Variants in GLI1 observed in about 807,000 individuals in gnomAD.
GLI1 encodes transcription activator GLI1.
GLI1 carries 51 observed loss-of-function variants against 87.8 expected under a neutral mutation model. That is an observed-to-expected ratio of 0.58 (90% CI 0.46 to 0.73). GLI1 has a LOEUF of 0.73. GLI1 is among the 30% of genes least tolerant of loss of function. GLI1 has a pLI of 0.00. For synonymous variants in GLI1, 528 were observed against 558.2 expected (o/e 0.95, Z 0.76); for missense variants, 1,292 against 1,437.2 (o/e 0.90, Z 1.63).
Position 57,467,476 on chromosome 12 carries a change from G to C in GLI1, c.1056G>C (p.Gln352His). The change falls in exon 9 of 12, where the codon CAG (glutamine) becomes CAC (histidine). Residue 352 changes from glutamine (Q) to histidine (H), a missense_variant. By Grantham distance (24) the Gln-to-His change is conservative. Coordinates refer to ENST00000228682, the MANE Select transcript of GLI1 (RefSeq NM_005269.3). ...ATGCCAGTGACCGAGCCAAGCACCA[G>C]AATCGGACCCATTCCAATGAGGTGA... ...FSNASDRAKH[Q>H]NRTHSNEKPY... 2 of 1,606,766 alleles carry C rather than the reference G, an allele frequency of 1.2e-6. No individual in the cohort carries two copies. The highest frequency in any genetic ancestry group is 1.7e-6 in the Non-Finnish European group (2 of 1,173,910).
At chr12:57,467,603 C>T in intron 9 of GLI1, 106 bp downstream of exon 9, 1 of 931,278 alleles carries the variant, frequency 1.1e-6, no homozygotes, top group Non-Finnish European at 1.6e-6. Context: ...AGAGGTGAGT[C>T]CCCCTCCCCA....
chr12:57,465,765 T>C lies in GLI1; in HGVS notation c.625-23T>C, dbSNP rs1395493229. 1.9e-6 allele frequency: 3 copies of C among 1,613,688 alleles called. No individual in the cohort carries two copies. In the East Asian group the frequency reaches 6.7e-5, roughly 36 times the overall value. On this transcript the variant is annotated intron_variant, in intron 6 of 11. Transcript: ENST00000228682. ...ACTAAAGCTGTCACCCAAGTGACCC[T>C]GAGATTGCCTCTCTTGCCCTAGGAT...
rs548133983 is a variant in GLI1 at position 57,465,876 on chromosome 12, G to A, written c.713G>A (p.Arg238His). Residue 238 changes from arginine to histidine, a missense_variant, in exon 7 of 12, where the codon CGT (arginine) becomes CAT (histidine). Arg to His is a conservative substitution (Grantham distance 29). Transcript: ENST00000228682. ...GAATCTGTGTATGAAACTGACTGCC[G>A]TTGGGATGGCTGCAGCCAGGAATTT... Reference protein sequence around the residue: ...EPESVYETDCRWDGCSQEFDS... With the variant: ...EPESVYETDCHWDGCSQEFDS... 8.4e-5 allele frequency: 136 copies of A among 1,614,054 alleles called. No homozygotes were observed. Among genetic ancestry groups the A allele is most frequent in the Admixed American group, 1.8e-4 (11 of 60,028 alleles).
At chr12:57,470,233 A>G (rs1438799089) in intron 11 of GLI1, 84 bp from the exon 12 acceptor site, 7 of 1,041,468 alleles carry the variant, frequency 6.7e-6, no homozygotes, top group East Asian at 4.8e-5. Flanking sequence ...CTGAGAATCC[A>G]GGGCAAGGCT....
In GLI1 at chr12:57,465,191, A is replaced by AT; in HGVS notation, c.471dup (p.Asp158Ter). The AT allele has an allele frequency of 6.2e-7, 1 of 1,613,956 alleles. No homozygotes were observed. The highest frequency in any genetic ancestry group is 8.5e-7 in the Non-Finnish European group (1 of 1,179,888). ...TTTGGGGTCCAGCCTTGTGGTCCCC[A>AT]TGACTCTGCCCGGGGTGGGATGATC... On this transcript the variant is annotated frameshift_variant, in exon 5 of 12. Transcript: ENST00000228682. LOFTEE classifies it high-confidence loss of function.
chr12:57,466,006 G>T, intron 7 of GLI1, 81 bp downstream of exon 7: 1 of 1,376,834 alleles, frequency 7.3e-7, no homozygotes. Flanking sequence ...TCCGGCTGAG[G>T]GCAGGAGGTC....
At chr12:57,460,651 G>A in intron 1 of GLI1, 1 of 152,510 alleles carries the variant, frequency 6.6e-6, no homozygotes. Context: ...ACGGGTGTGT[G>A]GGAGGCAACA....
At chr12:57,461,274 T>G (rs1871122899) in intron 1 of GLI1, among the ~76,000 whole-genome samples, 1 of 151,990 alleles carries the variant, frequency 6.6e-6, no homozygotes, top group Non-Finnish European at 1.5e-5. Context: ...CCGGGGGATA[T>G]GTAAGGGTCG....
Position 57,469,516 on chromosome 12 carries a change from T to C in GLI1, c.1394T>C (p.Val465Ala), listed in dbSNP as rs1360086366. 1.2e-6 allele frequency: 2 copies of C among 1,614,016 alleles called. No homozygotes were observed. Among genetic ancestry groups the C allele is most frequent in the African/African-American group, 1.3e-5 (1 of 74,918 alleles). Residue 465 changes from valine (V) to alanine (A), a missense_variant, in exon 11 of 12, where the codon GTG becomes GCG. Coordinates refer to ENST00000228682, the MANE Select transcript of GLI1 (RefSeq NM_005269.3). ...AGSAANTDSG[V>A]EMTGNAGGST... ...AGTGCAGCCAATACAGACAGTGGTG[T>C]GGAAATGACTGGCAATGCAGGGGGC...
chr12:57,472,097 C>T lies in GLI1; in HGVS notation c.*36C>T, dbSNP rs777932431. Reference sequence around the variant, plus strand: ...ATCTCATCCATCACAGATCGCATTTCCTAAGGGGTTTCTATCCTTCCAGAA... The same window carrying T: ...ATCTCATCCATCACAGATCGCATTTTCTAAGGGGTTTCTATCCTTCCAGAA... On this transcript the variant is annotated 3_prime_UTR_variant, in exon 12 of 12. Transcript: ENST00000228682. 7.2e-7 allele frequency: 1 copy of T among 1,386,992 alleles called. No homozygotes were observed. The highest frequency in any genetic ancestry group is 9.7e-7 in the Non-Finnish European group (1 of 1,033,698). 85.9% of individuals were successfully genotyped at this position (1,386,992 alleles called of 1,614,324 possible). A position where few individuals can be genotyped will look rare whatever the true frequency, so the allele number is the denominator to read the frequency against.
rs1305517113 is a variant in GLI1, at chr12:57,463,806, C to T, written c.100+15C>T. On this transcript the variant is annotated intron_variant, in intron 2 of 11. Coordinates refer to ENST00000228682, the MANE Select transcript of GLI1 (RefSeq NM_005269.3). The stretch of plus-strand genomic sequence containing the variant: ...GGGGACAGAAGGTCAGTGTATATAC[C>T]AATCCCTGGGCCTTGAGGATTTGGC... The T allele has an allele frequency of 1.4e-6, 2 of 1,450,144 alleles. No individual in the cohort carries two copies. Among genetic ancestry groups the T allele is most frequent in the South Asian group, 1.1e-5 (1 of 87,200 alleles). 89.8% of individuals were successfully genotyped at this position (1,450,144 alleles called of 1,614,324 possible).
rs149870317 is a variant in GLI1, at chr12:57,471,942, C to T, written c.3202C>T (p.Arg1068Trp). The change falls in exon 12 of 12, where the codon CGG (arginine) becomes TGG (tryptophan). Residue 1068 changes from arginine (R) to tryptophan (W), a missense_variant. Around this residue, in one of 3 missense-constraint regions of GLI1, gnomAD observed 897 missense variants for 1,040.7 expected, o/e 0.86. Transcript: ENST00000228682. The surrounding 1 kb of genome is among the most constrained non-coding windows in gnomAD (Gnocchi z 4.9). Reference sequence around the variant, plus strand: ...GAGTCCTCCTCCTTCCCATGATCAGCGGGGCAGCTCTGGACATACCCCACC... The same window carrying T: ...GAGTCCTCCTCCTTCCCATGATCAGTGGGGCAGCTCTGGACATACCCCACC... ...GLSPPPSHDQRGSSGHTPPPS... is the reference protein window; with the variant it reads ...GLSPPPSHDQWGSSGHTPPPS... The T allele has an allele frequency of 4.2e-4, 670 of 1,611,858 alleles. 6 individuals carry two copies. The highest frequency in any genetic ancestry group is 3.6e-3 in the South Asian group (326 of 90,820).
At chr12:57,461,287 A>AT (rs1594739699) in intron 1 of GLI1, among the ~76,000 whole-genome samples, 1 of 151,908 alleles carries the variant, frequency 6.6e-6, no homozygotes, top group East Asian at 1.9e-4. Context: ...AAGGGTCGGA[A>AT]TAAGTGTGGT....
chr12:57,460,778 C>A (rs1291658386), intron 1 of GLI1, among the ~76,000 whole-genome samples: 1 of 40,886 alleles, frequency 2.4e-5, no homozygotes, highest in African/African-American at 1.0e-4. Flanking sequence ...GGGGCTGGGG[C>A]GGGGGGGGGC....
At position 57,470,858 on chromosome 12, in the gene GLI1, G is replaced by A. The variant is rs772921336; in HGVS notation, c.2118G>A (p.Glu706=). Residue 706 remains glutamate, a synonymous_variant, in exon 12 of 12, where the codon GAG becomes GAA. Coordinates refer to ENST00000228682, the MANE Select transcript of GLI1 (RefSeq NM_005269.3). ...AAMDARGLQE[E]PEVGTSMVGS... is the part of the protein sequence containing the mutation. ...TGGATGCTAGAGGGCTACAGGAAGA[G>A]CCAGAAGTTGGGACCTCCATGGTGG... 2 of 1,610,084 alleles carry A rather than the reference G, an allele frequency of 1.2e-6. No individual in the cohort carries two copies. The highest frequency in any genetic ancestry group is 4.5e-5 in the East Asian group (2 of 44,876).
In GLI1 at chr12:57,470,910, T is replaced by C. The variant is rs756100571; in HGVS notation, c.2170T>C (p.Phe724Leu). The change falls in exon 12 of 12, where the codon TTC becomes CTC. Residue 724 changes from phenylalanine to leucine, a missense_variant. Around this residue, in one of 3 missense-constraint regions of GLI1, gnomAD observed 897 missense variants for 1,040.7 expected, o/e 0.86. Transcript: ENST00000228682. ...CAGTGGTCTGAACCCCTATATGGAC[T>C]TCCCACCTACTGATACTCTGGGATA... The part of the protein sequence containing the change: ...VGSGLNPYMD[F>L]PPTDTLGYGG... 3.7e-5 allele frequency: 59 copies of C among 1,613,788 alleles called. No homozygotes were observed. The highest frequency in any genetic ancestry group is 4.8e-5 in the Non-Finnish European group (57 of 1,179,880).
In GLI1 at chr12:57,471,934, A is replaced by G. The variant is rs1872006389; in HGVS notation, c.3194A>G (p.His1065Arg). Residue 1065 changes from histidine to arginine, a missense_variant, in exon 12 of 12, where the codon CAT becomes CGT. Transcript: ENST00000228682. The surrounding 1 kb of genome is among the most constrained non-coding windows in gnomAD (Gnocchi z 4.9). ...EPQGLSPPPS[H>R]DQRGSSGHTP... ...CAGGGGCTGAGTCCTCCTCCTTCCC[A>G]TGATCAGCGGGGCAGCTCTGGACAT... 7 of 1,612,206 alleles carry G rather than the reference A, an allele frequency of 4.3e-6. No homozygotes were observed. The highest frequency in any genetic ancestry group is 1.3e-5 in the African/African-American group (1 of 74,936).
intron 1 of GLI1, among the ~76,000 whole-genome samples, chr12:57,463,077 C>A (rs1233314079): frequency 6.6e-6 from 1 of 152,204 alleles, no homozygotes; most frequent in African/African-American, 2.4e-5. Flanking sequence ...GCCTTCTACA[C>A]ACAGACCACA....
rs759894568 is a variant in GLI1, at chr12:57,471,346, C to A, written c.2606C>A (p.Pro869His). 2.5e-5 allele frequency: 39 copies of A among 1,584,088 alleles called. No homozygotes were observed. The highest frequency in any genetic ancestry group is 1.1e-5 in the South Asian group (1 of 87,284). The change falls in exon 12 of 12, where the codon CCC becomes CAC. Residue 869 changes from proline (P) to histidine (H), a missense_variant. Pro to His is a moderately conservative substitution (Grantham distance 77, BLOSUM62 -2). This residue lies in a region of GLI1 where 897 missense variants were observed against 1,040.7 expected (regional missense o/e 0.86). Transcript: ENST00000228682. The surrounding 1 kb of genome is among the most constrained non-coding windows in gnomAD (Gnocchi z 4.9). ...YLQSGPYTQP[P>H]PDYLPSEPRP... The stretch of plus-strand genomic sequence containing the variant: ...CAGTCAGGCCCCTATACCCAGCCAC[C>A]CCCTGATTATCTTCCTTCAGAACCC...
Sources: allele counts gnomAD v4.1 joint callset (sites outside exome capture counted in the v4.1 genomes callset), GRCh38; gene constraint gnomAD v4.1.1; regional missense constraint gnomAD v4.1.1; non-coding constraint Gnocchi (gnomAD v3.1); transcripts MANE v1.5; gene names NCBI Gene and HGNC (gene_info 2026-07-23, HGNC 2026-07-21).